DLC1: variants seen among roughly 807,000 people sequenced by gnomAD.
DLC1 encodes DLC1 Rho GTPase activating protein.
Under a neutral mutation model 140.3 loss-of-function variants are expected in DLC1, and 54 were observed. The ratio of observed to expected loss-of-function variants is 0.38; its 90% CI spans 0.31 to 0.48. The LOEUF is 0.48. Among genes scored for constraint, DLC1 ranks in the 20% least tolerant of loss-of-function variants. The pLI, the probability that DLC1 is intolerant of heterozygous loss-of-function variation, is 0.96. For synonymous variants in DLC1, 986 were observed against 728.1 expected (o/e 1.35, Z -5.70); for missense variants, 2,536 against 1,907.0 (o/e 1.33, Z -6.14).
At chr8:13,238,884 G>C (rs761698131) in intron 5 of DLC1, among the ~76,000 whole-genome samples, 1 of 152,198 alleles carries the variant, frequency 6.6e-6, no homozygotes, top group Non-Finnish European at 1.5e-5. Flanking sequence ...AGCTGAGCAA[G>C]CATTTGCTGA....
intron 4 of DLC1, chr8:13,340,523 G>A (rs1415766788): frequency 6.6e-6 from 1 of 152,084 alleles, no homozygotes; most frequent in African/African-American, 2.4e-5. Flanking sequence ...TTTTAATGCT[G>A]ACTTTTCTCT....
chr8:13,196,493 A>G (rs1249918219), intron 5 of DLC1, among the ~76,000 whole-genome samples: 1 of 152,160 alleles, frequency 6.6e-6, no homozygotes, highest in Non-Finnish European at 1.5e-5. Context: ...GAGACTATTC[A>G]TCTATCAGCT....
At chr8:13,311,612 C>T (rs76688309) in intron 4 of DLC1, among the ~76,000 whole-genome samples, 6,875 of 152,296 alleles carry the variant, frequency 0.045, 209 homozygotes, top group Middle Eastern at 0.078. Context: ...TATTCCCCCC[C>T]TTAAATCACT....
intron 5 of DLC1, chr8:13,276,236 G>T (rs780993275): frequency 6.5e-7 from 1 of 1,533,580 alleles, no homozygotes; most frequent in South Asian, 1.2e-5. Context: ...CTCACCCCCG[G>T]TCTCCAATCC....
intron 13 of DLC1, 63 bp from the exon 14 acceptor site, chr8:13,091,495 T>A: frequency 6.8e-7 from 1 of 1,465,800 alleles, no homozygotes; most frequent in Non-Finnish European, 9.3e-7. Context: ...TTCAAGGTAT[T>A]ATTCAAGGAA....
intron 5 of DLC1, among the ~76,000 whole-genome samples, chr8:13,179,923 C>T (rs554717195): frequency 2.4e-4 from 37 of 152,250 alleles, no homozygotes; most frequent in African/African-American, 8.7e-4. Flanking sequence ...TCTGGGAATA[C>T]TTGAGGCATT....
At chr8:13,497,065 G>A (rs1270541915) in intron 2 of DLC1, among the ~76,000 whole-genome samples, 2 of 151,994 alleles carry the variant, frequency 1.3e-5, no homozygotes, top group Non-Finnish European at 2.9e-5. Flanking sequence ...CTCCCAAAGT[G>A]CTGGGATTAC....
intron 1 of DLC1, among the ~76,000 whole-genome samples, chr8:13,553,100 C>G (rs1330598883): frequency 6.6e-6 from 1 of 150,412 alleles, no homozygotes; most frequent in Non-Finnish European, 1.5e-5. Context: ...ACTGCAAACA[C>G]ACCTAAACCT....
At chr8:13,311,729 A>G (rs969279410) in intron 4 of DLC1, among the ~76,000 whole-genome samples, 1 of 152,216 alleles carries the variant, frequency 6.6e-6, no homozygotes, top group African/African-American at 2.4e-5. Flanking sequence ...GAACATTTGA[A>G]CAAAGGCAAA....
chr8:13,223,139 C>T (rs1348284902), intron 5 of DLC1, among the ~76,000 whole-genome samples: 2 of 152,056 alleles, frequency 1.3e-5, no homozygotes, highest in Admixed American at 1.3e-4. Context: ...TCAATATTTT[C>T]TTTGCCAAAC....
chr8:13,559,480 C>G (rs1804168957), intron 1 of DLC1: 1 of 152,306 alleles, frequency 6.6e-6, no homozygotes, highest in Non-Finnish European at 1.5e-5. Flanking sequence ...TTTATGCTTA[C>G]TTTGAACACT....
rs114761205 is a variant in DLC1 at position 13,332,208 on chromosome 8, A to G, written c.1315-26906T>C. ...TTTGAAAATCATTGTAAAGTGCATT[A>G]GCATATTTTCCTGCCTTAGCGAATA... On this transcript the variant is annotated intron_variant, in intron 4 of 17. Transcript: ENST00000276297. Among the ~76,000 whole-genome samples the G allele has an allele frequency of 4.5e-3, 690 of 152,352 alleles. 2 individuals are homozygous for G. Among genetic ancestry groups the G allele is most frequent in the African/African-American group, 0.015 (638 of 41,582 alleles).
At chr8:13,352,625 C>T (rs73566460) in intron 4 of DLC1, among the ~76,000 whole-genome samples, 1,753 of 152,218 alleles carry the variant, frequency 0.012, 32 homozygotes, top group African/African-American at 0.04. Context: ...AGTGATCTTC[C>T]CACCTCAGCT....
intron 6 of DLC1, 101 bp from the exon 7 acceptor site, chr8:13,110,924 C>G (rs534144130): frequency 4.0e-6 from 4 of 1,011,868 alleles, no homozygotes; most frequent in Non-Finnish European, 6.2e-6. Context: ...CAGCAATATA[C>G]TAAGCACCTA....
intron 5 of DLC1, among the ~76,000 whole-genome samples, chr8:13,135,413 C>A (rs1164066450): frequency 1.3e-5 from 2 of 151,994 alleles, no homozygotes; most frequent in Non-Finnish European, 2.9e-5. Flanking sequence ...GATCTCCTGA[C>A]CTCGTGATCC....
chr8:13,405,196 G>C (rs1837471454), intron 2 of DLC1, among the ~76,000 whole-genome samples: 1 of 151,936 alleles, frequency 6.6e-6, no homozygotes, highest in South Asian at 2.1e-4. Context: ...TGTTACATGG[G>C]TATGTTGTGT....
In DLC1 at chr8:13,344,808, A is replaced by G. The variant is rs180929651; in HGVS notation, c.1315-39506T>C. Among the ~76,000 whole-genome samples the G allele has an allele frequency of 3.4e-3, 513 of 152,346 alleles. 6 individuals are homozygous for G. The highest frequency in any genetic ancestry group is 0.031 in the South Asian group (150 of 4,826). Reference sequence around the variant, plus strand: ...GGCTCAGAATGAAAGGAAAGAGAGCAATAACGACAGTGGGTTTCACTTTGT... The same window carrying G: ...GGCTCAGAATGAAAGGAAAGAGAGCGATAACGACAGTGGGTTTCACTTTGT... On this transcript the variant is annotated intron_variant, in intron 4 of 17. Transcript: ENST00000276297.
intron 4 of DLC1, among the ~76,000 whole-genome samples, chr8:13,336,231 G>GT (rs993042666): frequency 6.6e-6 from 1 of 151,054 alleles, no homozygotes; most frequent in Admixed American, 6.6e-5. Context: ...CCTTAATAAA[G>GT]TTTTTTTTTC....
At chr8:13,446,400 C>A (rs1798777748) in intron 2 of DLC1, among the ~76,000 whole-genome samples, 2 of 152,156 alleles carry the variant, frequency 1.3e-5, no homozygotes, top group South Asian at 4.2e-4. Flanking sequence ...TTGTTTTCAT[C>A]TTTTGAGTTC....
Sources: allele counts gnomAD v4.1 joint callset (sites outside exome capture counted in the v4.1 genomes callset), GRCh38; gene constraint gnomAD v4.1.1; transcripts MANE v1.5; gene names NCBI Gene and HGNC (gene_info 2026-07-23, HGNC 2026-07-21).